Variants in FTCDNL1 observed in about 807,000 individuals in gnomAD.
FTCDNL1 encodes formiminotransferase N-terminal subdomain-containing protein.
In FTCDNL1, 11 loss-of-function variants were observed where a neutral mutation model predicts 5.9. The ratio of observed to expected loss-of-function variants is 1.87; its 90% CI spans 1.18 to 3.10. The LOEUF (loss-of-function observed/expected upper bound fraction) is 3.10. Among genes scored for constraint, FTCDNL1 ranks in the 30% most tolerant of loss-of-function variants. The pLI, the probability that FTCDNL1 is intolerant of heterozygous loss-of-function variation, is 0.00. For synonymous variants in FTCDNL1, 58 were observed against 24.8 expected (o/e 2.34, Z -3.99); for missense variants, 115 against 65.5 (o/e 1.76, Z -2.61).
chr2:199,766,678 CTTTTTTGG>C lies in FTCDNL1; in HGVS notation c.212-5851_212-5844del, dbSNP rs555153013. On this transcript the variant is annotated intron_variant, in intron 3 of 3. Transcript: ENST00000416668. ...TCAGGTAGCTATGTACAAAACAGTG[CTTTTTTGG>C]TTTATGTGGCCTTGAACTTAAACGT... Among the ~76,000 whole-genome samples the C allele has an allele frequency of 1.2e-3, 189 of 152,210 alleles. 2 individuals carry two copies. The highest frequency in any genetic ancestry group is 4.4e-3 in the African/African-American group (184 of 41,524).
chr2:199,825,132 T>C (rs1270695177), intron 3 of FTCDNL1, among the ~76,000 whole-genome samples: 3 of 143,552 alleles, frequency 2.1e-5, no homozygotes, highest in South Asian at 2.2e-4. Flanking sequence ...AGCAAGACCC[T>C]GTCTCAAAAA....
intron 3 of FTCDNL1, among the ~76,000 whole-genome samples, chr2:199,821,868 T>C (rs1701713949): frequency 6.6e-6 from 1 of 152,204 alleles, no homozygotes; most frequent in South Asian, 2.1e-4. Context: ...ATTTTAGCCC[T>C]AAGTGATTTC....
chr2:199,664,297 T>G, the FTCDNL1 span, among the ~76,000 whole-genome samples: 1 of 152,196 alleles, frequency 6.6e-6, no homozygotes, highest in Non-Finnish European at 1.5e-5. Flanking sequence ...CAAGGAAAAT[T>G]TAATCCATAT....
the FTCDNL1 span, among the ~76,000 whole-genome samples, chr2:199,729,075 C>T: frequency 3.3e-4 from 51 of 152,326 alleles, no homozygotes; most frequent in African/African-American, 1.2e-3. Context: ...GAATGAGCTT[C>T]ACTTCCTCCT....
At chr2:199,802,009 A>C (rs1700482295) in intron 3 of FTCDNL1, among the ~76,000 whole-genome samples, 1 of 152,092 alleles carries the variant, frequency 6.6e-6, no homozygotes, top group African/African-American at 2.4e-5. Flanking sequence ...ACATTGAACC[A>C]AGCATAGGAC....
chr2:199,750,558 T>C, the FTCDNL1 span, among the ~76,000 whole-genome samples: 1 of 152,114 alleles, frequency 6.6e-6, no homozygotes, highest in Admixed American at 6.6e-5. Flanking sequence ...AACTTAATCA[T>C]TGCCTGAAGA....
intron 3 of FTCDNL1, among the ~76,000 whole-genome samples, chr2:199,831,107 C>T (rs1702342259): frequency 6.6e-6 from 1 of 152,200 alleles, no homozygotes; most frequent in African/African-American, 2.4e-5. Context: ...ATAACAACAC[C>T]TATGCCTCCA....
At chr2:199,796,899 C>T (rs1038070992) in intron 3 of FTCDNL1, among the ~76,000 whole-genome samples, 2 of 152,106 alleles carry the variant, frequency 1.3e-5, no homozygotes, top group African/African-American at 4.8e-5. Context: ...TAGGACTATA[C>T]GCCTTAAGCC....
chr2:199,685,781 G>C, the FTCDNL1 span, among the ~76,000 whole-genome samples: 254 of 152,270 alleles, frequency 1.7e-3, 1 homozygote, highest in Non-Finnish European at 3.1e-3. Flanking sequence ...ATGTGAAAGT[G>C]ACAACAAAAC....
At chr2:199,831,362 G>A (rs1184829366) in intron 3 of FTCDNL1, among the ~76,000 whole-genome samples, 1 of 151,736 alleles carries the variant, frequency 6.6e-6, no homozygotes, top group African/African-American at 2.4e-5. Context: ...TGCACAAGAG[G>A]GACTATTCAA....
chr2:199,803,511 C>T (rs559520518), intron 3 of FTCDNL1, among the ~76,000 whole-genome samples: 2 of 152,026 alleles, frequency 1.3e-5, no homozygotes, highest in African/African-American at 4.8e-5. Flanking sequence ...ACTCTGTCAC[C>T]GAGGATAGAA....
chr2:199,848,420 T>G (rs762632842), intron 2 of FTCDNL1, among the ~76,000 whole-genome samples: 5 of 152,210 alleles, frequency 3.3e-5, no homozygotes, highest in Non-Finnish European at 5.9e-5. Flanking sequence ...GGAAAAGTAG[T>G]TGGTATTTGG....
chr2:199,781,278 T>C (rs1160376751), intron 3 of FTCDNL1, among the ~76,000 whole-genome samples: 4 of 152,352 alleles, frequency 2.6e-5, no homozygotes, highest in Middle Eastern at 3.4e-3. Flanking sequence ...GCGTGGAATA[T>C]GCTACCACCA....
At chr2:199,692,889 A>G in the FTCDNL1 span, among the ~76,000 whole-genome samples, 2 of 152,354 alleles carry the variant, frequency 1.3e-5, no homozygotes, top group Admixed American at 6.5e-5. Flanking sequence ...TTAAAAACCA[A>G]ACAAACTGCT....
chr2:199,758,719 C>T (rs1559164314), downstream of FTCDNL1, among the ~76,000 whole-genome samples: 1 of 152,188 alleles, frequency 6.6e-6, no homozygotes, highest in African/African-American at 2.4e-5. Context: ...TACGCATCCC[C>T]TGAAAGCTTG....
the FTCDNL1 span, among the ~76,000 whole-genome samples, chr2:199,707,500 A>C: frequency 2.0e-5 from 3 of 151,996 alleles, no homozygotes; most frequent in Non-Finnish European, 4.4e-5. Flanking sequence ...TTTTTAATGA[A>C]TGTTGGTTCT....
chr2:199,695,839 C>A, the FTCDNL1 span, among the ~76,000 whole-genome samples: 4 of 152,346 alleles, frequency 2.6e-5, no homozygotes, highest in East Asian at 7.7e-4. Context: ...TGCCCATCCC[C>A]AAGGATCACC....
At chr2:199,681,370 T>C in the FTCDNL1 span, among the ~76,000 whole-genome samples, 2 of 152,076 alleles carry the variant, frequency 1.3e-5, no homozygotes, top group Non-Finnish European at 2.9e-5. Flanking sequence ...GCAGGAGAAT[T>C]GCTTGAACCC....
At chr2:199,669,125 C>T in the FTCDNL1 span, among the ~76,000 whole-genome samples, 17 of 152,242 alleles carry the variant, frequency 1.1e-4, no homozygotes, top group East Asian at 3.9e-4. Flanking sequence ...ATAAATTCAA[C>T]TTAACTGAAC....
Sources: gnomAD v4.1 joint callset for allele counts (sites outside exome capture counted in the v4.1 genomes callset) on GRCh38, gnomAD v4.1.1 for gene constraint, MANE v1.5 for transcripts, NCBI Gene and HGNC (gene_info 2026-07-23, HGNC 2026-07-21) for gene names.